Variants in ACADM observed in about 807,000 individuals in gnomAD.
ACADM encodes medium-chain specific acyl-CoA dehydrogenase, mitochondrial.
ACADM carries 49 observed loss-of-function variants against 58.9 expected under a neutral mutation model. The ratio of observed to expected loss-of-function variants is 0.83; its 90% CI spans 0.66 to 1.06. The LOEUF (loss-of-function observed/expected upper bound fraction) is 1.06, where lower values mean the gene tolerates loss of function less well. Ranked by LOEUF, ACADM falls within the 50% of genes least tolerant of loss-of-function variation. ACADM has a pLI of 0.00. For missense variants in ACADM, 496 were observed against 507.0 expected, an observed-to-expected ratio of 0.98 and a Z score of 0.21; for synonymous variants, 160 against 157.7, an observed-to-expected ratio of 1.01 and a Z score of -0.11.
chr1:75,743,717 C>G (rs184614488), intron 7 of ACADM: 4 of 1,502,916 alleles, frequency 2.7e-6, no homozygotes, highest in Non-Finnish European at 2.8e-6. Context: ...TTCTTTCGGG[C>G]CTTCTCTCCC....
At position 75,743,443 on chromosome 1, in the gene ACADM, G is replaced by A. The variant is rs1158072144; in HGVS notation, c.600-2363G>A. On this transcript the variant is annotated intron_variant, in intron 7 of 11. Transcript: ENST00000370841. Reference sequence around the variant, plus strand: ...CTAAAGATCAAAGAGGAGGACTCTGGGATCCTCTACCGCTGCCTTGATTTT... The same window carrying A: ...CTAAAGATCAAAGAGGAGGACTCTGAGATCCTCTACCGCTGCCTTGATTTT... 7 of 1,610,348 alleles carry A rather than the reference G, an allele frequency of 4.3e-6. No individual in the cohort carries two copies. The East Asian group carries it at 1.6e-4, about 36-fold the overall frequency.
At chr1:75,730,604 C>A (rs918409624) in intron 2 of ACADM, among the ~76,000 whole-genome samples, 6 of 151,438 alleles carry the variant, frequency 4.0e-5, no homozygotes, top group South Asian at 4.2e-4. Context: ...GCAACCTTGA[C>A]CTCTGGGGCT....
chr1:75,745,374 C>A, intron 7 of ACADM: 1 of 172,726 alleles, frequency 5.8e-6, no homozygotes, highest in Admixed American at 5.6e-5. Flanking sequence ...CCCATAGTAC[C>A]AGTGACTCAG....
chr1:75,760,764 A>G (rs11803965), intron 10 of ACADM, among the ~76,000 whole-genome samples: 3,027 of 152,230 alleles, frequency 0.02, 117 homozygotes, highest in African/African-American at 0.068. Flanking sequence ...ACTTGACCAG[A>G]TTTGAGTAAG....
At chr1:75,756,323 A>G (rs918850096) in intron 10 of ACADM, among the ~76,000 whole-genome samples, 1 of 151,224 alleles carries the variant, frequency 6.6e-6, no homozygotes, top group Admixed American at 6.6e-5. Context: ...ACCCCATCAT[A>G]TCATCCCAAA....
intron 7 of ACADM, among the ~76,000 whole-genome samples, chr1:75,742,385 A>G (rs769416128): frequency 2.6e-5 from 4 of 151,920 alleles, no homozygotes; most frequent in Non-Finnish European, 5.9e-5. Flanking sequence ...GTGGTTTCCT[A>G]CCCCAGTCCA....
chr1:75,732,951 G>A, intron 4 of ACADM, 29 bp downstream of exon 4: 1 of 1,612,510 alleles, frequency 6.2e-7, no homozygotes, highest in Admixed American at 1.7e-5. Flanking sequence ...TTTAATACTG[G>A]AATGCATATG....
intron 2 of ACADM, among the ~76,000 whole-genome samples, chr1:75,730,097 G>T (rs1028215454): frequency 2.6e-5 from 4 of 152,068 alleles, no homozygotes; most frequent in Non-Finnish European, 5.9e-5. Context: ...GTTTCGCCAT[G>T]TTGGCAACGC....
At chr1:75,743,820 A>G (rs1465930525) in intron 7 of ACADM, 1 of 1,436,532 alleles carries the variant, frequency 7.0e-7, no homozygotes, top group East Asian at 2.3e-5. Flanking sequence ...TGGCCACTGC[A>G]ACACTGATGT....
At chr1:75,757,205 A>G (rs376742656) in intron 10 of ACADM, among the ~76,000 whole-genome samples, 3 of 152,202 alleles carry the variant, frequency 2.0e-5, no homozygotes, top group African/African-American at 7.2e-5. Context: ...AAAATTGACA[A>G]TTGGGATCTA....
At chr1:75,730,919 C>CT (rs1206175258) in intron 2 of ACADM, among the ~76,000 whole-genome samples, 3 of 152,118 alleles carry the variant, frequency 2.0e-5, no homozygotes, top group Non-Finnish European at 2.9e-5. Flanking sequence ...GACTGAAATT[C>CT]TTAAGTATAC....
rs1647171592 is a variant in ACADM, at chr1:75,732,902, C to T, written c.266C>T (p.Thr89Ile). Residue 89 changes from threonine (T) to isoleucine (I), a missense_variant, in exon 4 of 12, where the codon ACA (threonine) becomes ATA (isoleucine). By Grantham distance (89) the Thr-to-Ile change is moderately conservative (BLOSUM62 -1). Transcript: ENST00000370841. ...RRAWELGLMN[T>I]HIPENCGGLG... ...GCCTGGGAACTTGGTTTAATGAACA[C>T]ACACATTCCAGAGAACTGTGGTAAG... is the stretch of plus-strand genomic sequence containing the variant. 3 of 1,613,842 alleles carry T rather than the reference C, an allele frequency of 1.9e-6. No homozygotes were observed. Among genetic ancestry groups the T allele is most frequent in the Non-Finnish European group, 2.5e-6 (3 of 1,179,870 alleles).
chr1:75,735,225 A>G (rs1195803351), intron 6 of ACADM, among the ~76,000 whole-genome samples: 1 of 151,834 alleles, frequency 6.6e-6, no homozygotes, highest in African/African-American at 2.4e-5. Flanking sequence ...CTGAGGCATA[A>G]GAATCGCTTG....
chr1:75,729,491 C>T (rs1042608068), intron 2 of ACADM, among the ~76,000 whole-genome samples: 25 of 130,180 alleles, frequency 1.9e-4, no homozygotes, highest in Admixed American at 4.0e-4. Flanking sequence ...TAGCCAAAGA[C>T]TGGATGAAAA....
chr1:75,761,557 C>G, intron 11 of ACADM, 187 bp downstream of exon 11: 1 of 663,248 alleles, frequency 1.5e-6, no homozygotes, highest in South Asian at 1.8e-5. Context: ...AAGTATAAGT[C>G]TGAAGAGAGA....
intron 7 of ACADM, among the ~76,000 whole-genome samples, chr1:75,742,921 C>CTTT (rs200844531): frequency 7.2e-5 from 11 of 152,118 alleles, no homozygotes; most frequent in Admixed American, 5.9e-4. Context: ...AAAGCAGCAC[C>CTTT]TCTTTGCCTG....
intron 6 of ACADM, among the ~76,000 whole-genome samples, chr1:75,738,935 C>T (rs1557449805): frequency 6.6e-6 from 1 of 152,144 alleles, no homozygotes; most frequent in Non-Finnish European, 1.5e-5. Context: ...CTGTTTCTAC[C>T]AGATAAAATT....
At chr1:75,728,939 A>AC (rs1647099063) in intron 2 of ACADM, among the ~76,000 whole-genome samples, 1 of 152,158 alleles carries the variant, frequency 6.6e-6, no homozygotes, top group African/African-American at 2.4e-5. Context: ...CACTCCTGGG[A>AC]CCAGGGAGCC....
chr1:75,727,778 A>G (rs1034815670), intron 1 of ACADM, among the ~76,000 whole-genome samples: 1 of 152,184 alleles, frequency 6.6e-6, no homozygotes, highest in Non-Finnish European at 1.5e-5. Context: ...ATCTGCTGTG[A>G]AAGCGGCAAT....
Sources: allele counts gnomAD v4.1 joint callset (sites outside exome capture counted in the v4.1 genomes callset), GRCh38; gene constraint gnomAD v4.1.1; transcripts MANE v1.5; gene names NCBI Gene and HGNC (gene_info 2026-07-23, HGNC 2026-07-21).